Variants in ADAM12 observed in about 807,000 individuals in gnomAD.
The protein encoded by ADAM12 is ADAM metallopeptidase domain 12.
ADAM12 carries 70 observed loss-of-function variants against 106.4 expected under a neutral mutation model. The observed-to-expected ratio is 0.66, with a 90% CI of 0.54 to 0.80. ADAM12 has a LOEUF of 0.80. ADAM12 is among the 30% of genes least tolerant of loss of function. The probability of loss-of-function intolerance (pLI) is 0.00; values close to 1 mark genes in which losing one functional copy is unlikely to be tolerated. For synonymous variants in ADAM12, 420 were observed against 433.5 expected, an observed-to-expected ratio of 0.97 and a Z score of 0.39; for missense variants, 1,010 against 1,171.9, an observed-to-expected ratio of 0.86 and a Z score of 2.02.
At chr10:126,220,831 T>C (rs1336974292) in intron 3 of ADAM12, among the ~76,000 whole-genome samples, 1 of 152,244 alleles carries the variant, frequency 6.6e-6, no homozygotes, top group Non-Finnish European at 1.5e-5. Context: ...AGCATCTGTG[T>C]CCCTCTTAGC....
intron 1 of ADAM12, among the ~76,000 whole-genome samples, chr10:126,350,610 C>A (rs558194328): frequency 1.3e-5 from 2 of 152,374 alleles, no homozygotes; most frequent in South Asian, 4.1e-4. Context: ...CATGTGTGAG[C>A]AGCTGTGTCT....
intron 4 of ADAM12, among the ~76,000 whole-genome samples, chr10:126,152,352 T>C (rs1156725758): frequency 3.3e-5 from 5 of 152,064 alleles, no homozygotes; most frequent in Admixed American, 3.3e-4. Flanking sequence ...TAGATGAATC[T>C]ATAATTAGAT....
At chr10:126,110,464 G>A (rs1236772724) in intron 6 of ADAM12, among the ~76,000 whole-genome samples, 1 of 151,818 alleles carries the variant, frequency 6.6e-6, no homozygotes, top group Non-Finnish European at 1.5e-5. Context: ...ACAGAGAAGT[G>A]AGAAAGGTAT....
intron 5 of ADAM12, among the ~76,000 whole-genome samples, chr10:126,123,464 C>T (rs922051207): frequency 1.3e-5 from 2 of 152,214 alleles, no homozygotes; most frequent in African/African-American, 4.8e-5. Flanking sequence ...GGTCCCTTCT[C>T]TAGAGCGACA....
intron 13 of ADAM12, among the ~76,000 whole-genome samples, 166 bp from the exon 14 acceptor site, chr10:126,065,167 T>A (rs546820290): frequency 2.6e-5 from 4 of 152,312 alleles, no homozygotes; most frequent in Admixed American, 1.3e-4. Context: ...AATCATCAGA[T>A]TCTCGTTCTG....
At chr10:126,359,643 C>T (rs1855671308) in intron 1 of ADAM12, among the ~76,000 whole-genome samples, 1 of 152,192 alleles carries the variant, frequency 6.6e-6, no homozygotes, top group Non-Finnish European at 1.5e-5. Context: ...GCAGCTCCAC[C>T]CCTGTGACTT....
intron 3 of ADAM12, among the ~76,000 whole-genome samples, chr10:126,236,088 C>G (rs1010251693): frequency 6.6e-6 from 1 of 152,152 alleles, no homozygotes; most frequent in African/African-American, 2.4e-5. Context: ...GGACAGGCCA[C>G]CAGCGCGGAA....
chr10:126,364,752 C>T (rs1050773963), intron 1 of ADAM12, among the ~76,000 whole-genome samples: 1 of 151,906 alleles, frequency 6.6e-6, no homozygotes, highest in Admixed American at 6.6e-5. Flanking sequence ...TTAAAAAAAT[C>T]AAAAATTATT....
At chr10:126,336,195 G>C (rs1854692650) in intron 1 of ADAM12, among the ~76,000 whole-genome samples, 1 of 152,154 alleles carries the variant, frequency 6.6e-6, no homozygotes. Context: ...AGGGGAAATG[G>C]GATGTGGGGT....
intron 1 of ADAM12, among the ~76,000 whole-genome samples, chr10:126,344,869 A>G (rs541242013): frequency 0.014 from 2,203 of 152,216 alleles, 65 homozygotes; most frequent in African/African-American, 0.051. Context: ...TTGCACATTG[A>G]TTTTGTATCC....
intron 3 of ADAM12, among the ~76,000 whole-genome samples, chr10:126,231,117 G>T (rs1490468668): frequency 6.6e-6 from 1 of 152,142 alleles, no homozygotes; most frequent in African/African-American, 2.4e-5. Context: ...ACTTTTGCCT[G>T]CCATATACTG....
chr10:126,137,643 G>T (rs1258843799), intron 4 of ADAM12, among the ~76,000 whole-genome samples: 1 of 152,174 alleles, frequency 6.6e-6, no homozygotes, highest in African/African-American at 2.4e-5. Context: ...TACAATAAGT[G>T]CCTTTTGTGA....
At chr10:126,357,564 T>C (rs992647925) in intron 1 of ADAM12, among the ~76,000 whole-genome samples, 1 of 152,160 alleles carries the variant, frequency 6.6e-6, no homozygotes, top group Non-Finnish European at 1.5e-5. Flanking sequence ...GGGTAACTTA[T>C]AAAGCAAAGA....
At chr10:126,189,053 C>T (rs1382787932) in intron 3 of ADAM12, among the ~76,000 whole-genome samples, 4 of 152,186 alleles carry the variant, frequency 2.6e-5, no homozygotes, top group Non-Finnish European at 2.9e-5. Flanking sequence ...ACAAACGTCC[C>T]TTTTCTCAAG....
chr10:126,130,194 T>A (rs113409395), intron 5 of ADAM12, among the ~76,000 whole-genome samples: 12,577 of 152,200 alleles, frequency 0.083, 1,172 homozygotes, highest in East Asian at 0.25. Flanking sequence ...TTGCATTTTT[T>A]TTTTTCCTTT....
chr10:126,303,143 A>G (rs988640156), intron 2 of ADAM12, among the ~76,000 whole-genome samples: 5 of 152,202 alleles, frequency 3.3e-5, no homozygotes, highest in African/African-American at 1.2e-4. Context: ...TTAAAGTACA[A>G]TGTGATCCAT....
intron 1 of ADAM12, among the ~76,000 whole-genome samples, chr10:126,375,138 T>C (rs1159639863): frequency 6.6e-6 from 1 of 151,772 alleles, no homozygotes; most frequent in Non-Finnish European, 1.5e-5. Flanking sequence ...AAGAAAAACA[T>C]TTTCCAGGCA....
intron 2 of ADAM12, 152 bp downstream of exon 2, chr10:126,330,260 A>G (rs866067763): frequency 4.7e-6 from 3 of 643,008 alleles, no homozygotes; most frequent in African/African-American, 3.7e-5. Context: ...TGGTTTGCAT[A>G]TTTTTGGCTT....
At chr10:126,285,308 T>G (rs1959799770) in intron 2 of ADAM12, among the ~76,000 whole-genome samples, 1 of 152,246 alleles carries the variant, frequency 6.6e-6, no homozygotes, top group East Asian at 1.9e-4. Flanking sequence ...TCCTCCAAAG[T>G]CATAAGAAAA....
Sources: gnomAD v4.1 joint callset for allele counts (sites outside exome capture counted in the v4.1 genomes callset) on GRCh38, gnomAD v4.1.1 for gene constraint, MANE v1.5 for transcripts, NCBI Gene and HGNC (gene_info 2026-07-23, HGNC 2026-07-21) for gene names.